SPG11: variants seen among roughly 807,000 people sequenced by gnomAD.
The protein encoded by SPG11 is spatacsin.
In SPG11, 222 loss-of-function variants were observed where a neutral mutation model predicts 274.0. The ratio of observed to expected loss-of-function variants is 0.81; its 90% CI spans 0.73 to 0.91. The LOEUF (loss-of-function observed/expected upper bound fraction) is 0.91, where lower values mean the gene tolerates loss of function less well. SPG11 is among the 40% of genes least tolerant of loss of function. SPG11 has a pLI of 0.00. For missense variants in SPG11, 3,114 were observed against 2,872.7 expected, an observed-to-expected ratio of 1.08 and a Z score of -1.92; for synonymous variants, 1,144 against 1,039.7, an observed-to-expected ratio of 1.10 and a Z score of -1.93.
intron 30 of SPG11, among the ~76,000 whole-genome samples, chr15:44,581,153 T>G (rs2082651844): frequency 6.6e-6 from 1 of 152,136 alleles, no homozygotes; most frequent in Non-Finnish European, 1.5e-5. Context: ...TCAGACACCA[T>G]GGAGGCGAAA....
In SPG11 at chr15:44,657,212, T is replaced by C. The variant is rs770888461; in HGVS notation, c.752A>G (p.Gln251Arg). 1 of 1,614,102 alleles carries C rather than the reference T, an allele frequency of 6.2e-7. No homozygotes were observed. The highest frequency in any genetic ancestry group is 1.3e-5 in the African/African-American group (1 of 74,950). Reference protein sequence around the residue: ...HKEDMCNEQQQEPAKISSFTS... With the variant: ...HKEDMCNEQQREPAKISSFTS... ...AAATGAAGAAATCTTGGCTGGCTCC[T>C]GTTGCTGCTCATTACACATGTCTTC... is the stretch of plus-strand genomic sequence containing the variant. The change falls in exon 4 of 40, where the codon CAG becomes CGG. Residue 251 changes from glutamine to arginine, a missense_variant. Transcript: ENST00000261866.
In SPG11 at chr15:44,573,690, C is replaced by A; in HGVS notation, c.6062G>T (p.Arg2021Leu). 6.2e-7 allele frequency: 1 copy of A among 1,614,168 alleles called. No homozygotes were observed. The highest frequency in any genetic ancestry group is 8.5e-7 in the Non-Finnish European group (1 of 1,180,038). ...VAAQDGEAML[R>L]KILASQQPDR... ...AGGCTGCTGAGAGGCCAAGATTTTC[C>A]GGAGCATGGCTTCACCATCCTGAGC... The change falls in exon 32 of 40, where the codon CGG becomes CTG. Residue 2021 changes from arginine to leucine, a missense_variant. Arg to Leu is a moderately radical substitution (Grantham distance 102, BLOSUM62 -2). Transcript: ENST00000261866.
In SPG11 at chr15:44,595,083, C is replaced by T. The variant is rs147160468; in HGVS notation, c.4635+176G>A. 6.4e-3 allele frequency among the ~76,000 whole-genome samples: 970 copies of T among 152,298 alleles called. 15 individuals carry two copies. The highest frequency in any genetic ancestry group is 0.022 in the African/African-American group (915 of 41,558). On this transcript the variant is annotated intron_variant, in intron 26 of 39. Transcript: ENST00000261866. ...CCACCCGCCTCAGCCTCCCAAAGTGCTGGGATTACAGGCGTGAGCCACTGC... is the reference window on the plus strand; with the variant it reads ...CCACCCGCCTCAGCCTCCCAAAGTGTTGGGATTACAGGCGTGAGCCACTGC...
At chr15:44,633,764 G>T in intron 7 of SPG11, 127 bp from the exon 8 acceptor site, 1 of 881,952 alleles carries the variant, frequency 1.1e-6, no homozygotes, top group Non-Finnish European at 1.8e-6. Context: ...GACTGCATGA[G>T]TACATGGGCT....
At chr15:44,569,691 T>C (rs990919982) in intron 34 of SPG11, among the ~76,000 whole-genome samples, 186 bp from the exon 35 acceptor site, 2 of 150,996 alleles carry the variant, frequency 1.3e-5, no homozygotes, top group African/African-American at 4.9e-5. Flanking sequence ...TTCAGAAATG[T>C]CAGTCACTGG....
chr15:44,610,722 T>C (rs888875039), intron 18 of SPG11, 118 bp downstream of exon 18: 4 of 1,075,576 alleles, frequency 3.7e-6, no homozygotes. Flanking sequence ...TGCTCTTTAA[T>C]CTAATGAAAT....
chr15:44,627,972 A>G (rs1567173987), intron 10 of SPG11, among the ~76,000 whole-genome samples: 1 of 152,212 alleles, frequency 6.6e-6, no homozygotes, highest in Non-Finnish European at 1.5e-5. Context: ...CTCCACCCCA[A>G]GAACAGCAAT....
At chr15:44,598,950 C>G in intron 21 of SPG11, 114 bp from the exon 22 acceptor site, 1 of 1,037,304 alleles carries the variant, frequency 9.6e-7, no homozygotes, top group East Asian at 2.6e-5. Context: ...GATTTGTGGC[C>G]TCCTCTCCCT....
rs569590364 is a variant in SPG11, at chr15:44,625,824, C to T, written c.2244+507G>A. Among the ~76,000 whole-genome samples, 32 of 152,212 alleles carry T rather than the reference C, an allele frequency of 2.1e-4. No homozygotes were observed. In the East Asian group the frequency reaches 3.3e-3, roughly 16 times the overall value. On this transcript the variant is annotated intron_variant, in intron 11 of 39. Coordinates refer to ENST00000261866, the MANE Select transcript of SPG11 (RefSeq NM_025137.4). ...CCTCCCCAGTAGATGGGATTACAGG[C>T]GCCCGCCACCACACCCGGCTTATTT...
In SPG11 at chr15:44,663,440, G is replaced by T. The variant is rs886051184; in HGVS notation, c.208C>A (p.Pro70Thr). 20 of 1,603,566 alleles carry T rather than the reference G, an allele frequency of 1.2e-5. No individual in the cohort carries two copies. In the East Asian group the frequency reaches 4.5e-4, roughly 36 times the overall value. ...AGSLQVLSLT[P>T]GSRGGGRCCL... Reference sequence around the variant, plus strand: ...CAGCGACCCCCGCCCCGGCTGCCAGGCGTCAAAGAAAGCACTTGGAGGCTG... The same window carrying T: ...CAGCGACCCCCGCCCCGGCTGCCAGTCGTCAAAGAAAGCACTTGGAGGCTG... The change falls in exon 1 of 40, where the codon CCT becomes ACT. Residue 70 changes from proline (P) to threonine (T), a missense_variant. Pro to Thr is a conservative substitution (Grantham distance 38). Transcript: ENST00000261866.
rs181305865 is a variant in SPG11, at chr15:44,564,000, G to A, written c.7151+547C>T. 5.3e-5 allele frequency among the ~76,000 whole-genome samples: 8 copies of A among 151,914 alleles called. No homozygotes were observed. The East Asian group carries it at 1.4e-3, about 26-fold the overall frequency. Reference sequence around the variant, plus strand: ...CACCTCTGATGTTTTAGTGTTTTTCGTTTCTTTTTTTGAGACAAGAGTCAC... The same window carrying A: ...CACCTCTGATGTTTTAGTGTTTTTCATTTCTTTTTTTGAGACAAGAGTCAC... On this transcript the variant is annotated intron_variant, in intron 39 of 39. Coordinates refer to ENST00000261866, the MANE Select transcript of SPG11 (RefSeq NM_025137.4).
intron 6 of SPG11, among the ~76,000 whole-genome samples, 163 bp downstream of exon 6, chr15:44,651,328 G>A (rs2084768519): frequency 6.6e-6 from 1 of 152,126 alleles, no homozygotes; most frequent in Non-Finnish European, 1.5e-5. Flanking sequence ...TTAATTAAAA[G>A]CCAAACATAT....
At position 44,585,869 on chromosome 15, in the gene SPG11, G is replaced by C; in HGVS notation, c.4907-19C>G. Reference sequence around the variant, plus strand: ...TCTGGACCTGTGCCAAAGAGAAAAGGATATAAACATTTAGTCAATAAAATG... The same window carrying C: ...TCTGGACCTGTGCCAAAGAGAAAAGCATATAAACATTTAGTCAATAAAATG... On this transcript the variant is annotated intron_variant, in intron 28 of 39. Transcript: ENST00000261866. 1 of 1,608,090 alleles carries C rather than the reference G, an allele frequency of 6.2e-7. No homozygotes were observed. Among genetic ancestry groups the C allele is most frequent in the Non-Finnish European group, 8.5e-7 (1 of 1,175,322 alleles).
intron 7 of SPG11, among the ~76,000 whole-genome samples, chr15:44,636,116 T>A (rs890841201): frequency 3.3e-5 from 5 of 151,992 alleles, no homozygotes; most frequent in Non-Finnish European, 5.9e-5. Flanking sequence ...AAACCAGATT[T>A]TGAGAGCCAA....
intron 8 of SPG11, among the ~76,000 whole-genome samples, chr15:44,630,573 ATG>A (rs1161819559): frequency 6.6e-6 from 1 of 152,120 alleles, no homozygotes; most frequent in Non-Finnish European, 1.5e-5. Context: ...ACAAAATAGA[ATG>A]TGTGTTTTTG....
chr15:44,631,497 G>T (rs1028136154), intron 8 of SPG11, among the ~76,000 whole-genome samples: 1 of 152,190 alleles, frequency 6.6e-6, no homozygotes. Flanking sequence ...GTGTTCTAGT[G>T]AGCTGAGCAG....
intron 7 of SPG11, among the ~76,000 whole-genome samples, chr15:44,645,792 T>A (rs897971305): frequency 6.6e-6 from 1 of 152,138 alleles, no homozygotes; most frequent in African/African-American, 2.4e-5. Flanking sequence ...CATTAAAAAG[T>A]GGGAAAAGGA....
intron 27 of SPG11, chr15:44,590,432 G>GC (rs1555449874): frequency 6.6e-6 from 1 of 150,786 alleles, no homozygotes; most frequent in Non-Finnish European, 1.5e-5. Flanking sequence ...TGCTGCTGCT[G>GC]TTTTTTTTTC....
intron 7 of SPG11, among the ~76,000 whole-genome samples, chr15:44,645,274 T>TA (rs973866883): frequency 6.6e-6 from 1 of 152,128 alleles, no homozygotes; most frequent in African/African-American, 2.4e-5. Flanking sequence ...AGCAGACACA[T>TA]AGACCAATAG....
Sources: gnomAD v4.1 joint callset for allele counts (sites outside exome capture counted in the v4.1 genomes callset) on GRCh38, gnomAD v4.1.1 for gene constraint, MANE v1.5 for transcripts, NCBI Gene and HGNC (gene_info 2026-07-23, HGNC 2026-07-21) for gene names.